Variants in CSMD1 observed in about 807,000 individuals in gnomAD.
CSMD1 encodes CUB and sushi domain-containing protein 1.
A neutral mutation model predicts 417.5 loss-of-function variants in CSMD1; 213 were observed. The observed-to-expected ratio is 0.51, with a 90% CI of 0.46 to 0.57. CSMD1 has a LOEUF of 0.57. CSMD1 is among the 20% of genes least tolerant of loss of function. The pLI is 0.00. For synonymous variants in CSMD1, 2,862 were observed against 1,736.8 expected (o/e 1.65, Z -16.11); for missense variants, 6,923 against 4,529.7 (o/e 1.53, Z -15.17).
chr8:3,329,400 G>A (rs981467772), intron 23 of CSMD1, among the ~76,000 whole-genome samples: 23 of 152,022 alleles, frequency 1.5e-4, no homozygotes, highest in African/African-American at 5.3e-4. Flanking sequence ...GGACAGAAAA[G>A]ACCCTTCAAG....
At chr8:3,344,114 G>A (rs13251425) in intron 22 of CSMD1, among the ~76,000 whole-genome samples, 17,655 of 152,196 alleles carry the variant, frequency 0.12, 1,435 homozygotes, top group African/African-American at 0.23. Flanking sequence ...CGGAAGATAA[G>A]GAAGACAAGG....
At chr8:3,992,456 T>C (rs1814829190) in intron 5 of CSMD1, among the ~76,000 whole-genome samples, 3 of 152,048 alleles carry the variant, frequency 2.0e-5, no homozygotes, top group African/African-American at 7.2e-5. Flanking sequence ...TTACAACAGG[T>C]TTGTGAAATA....
At chr8:4,481,231 G>C (rs1408854867) in intron 2 of CSMD1, among the ~76,000 whole-genome samples, 1 of 152,180 alleles carries the variant, frequency 6.6e-6, no homozygotes. Context: ...AGACCTAAGA[G>C]TCCAAATTTA....
At chr8:3,956,186 T>C (rs1045149843) in intron 5 of CSMD1, among the ~76,000 whole-genome samples, 1 of 152,218 alleles carries the variant, frequency 6.6e-6, no homozygotes, top group South Asian at 2.1e-4. Context: ...AATTTTGGGG[T>C]ATTAACCATA....
In CSMD1 at chr8:3,575,051, G is replaced by C. The variant is rs374217218; in HGVS notation, c.1238C>G (p.Ser413Cys). The C allele has an allele frequency of 1.3e-5, 21 of 1,612,830 alleles. No individual in the cohort carries two copies. Among genetic ancestry groups the C allele is most frequent in the Non-Finnish European group, 1.7e-5 (20 of 1,179,440 alleles). ...RPICRARTCG[S>C]NLRGPSGVIT... ...GACGCCGCTGGGCCCACGCAGATTG[G>C]ATCCACATGTTCTCGCTGGAAACAC... The change falls in exon 10 of 70, where the codon TCC (serine) becomes TGC (cysteine). Residue 413 changes from serine (S) to cysteine (C), a missense_variant. Coordinates refer to ENST00000635120, the MANE Select transcript of CSMD1 (RefSeq NM_033225.6).
rs1363560377 is a variant in CSMD1, at chr8:4,864,573, C to G, written c.85+129759G>C. ...ATCATAATTATGTTTTGCCAGAGTT[C>G]ATAATGATCTTTATTTTATATCATT... On this transcript the variant is annotated intron_variant, in intron 1 of 69. Transcript: ENST00000635120. Among the ~76,000 whole-genome samples the G allele has an allele frequency of 2.0e-5, 3 of 151,478 alleles. No individual in the cohort carries two copies. In the East Asian group the frequency reaches 5.8e-4, roughly 29 times the overall value.
At chr8:3,975,977 A>C (rs956018079) in intron 5 of CSMD1, among the ~76,000 whole-genome samples, 6 of 152,120 alleles carry the variant, frequency 3.9e-5, no homozygotes, top group African/African-American at 1.4e-4. Flanking sequence ...TCAGTTTTTA[A>C]TCTATCAGTT....
intron 10 of CSMD1, among the ~76,000 whole-genome samples, chr8:3,549,858 T>G (rs942117383): frequency 9.2e-5 from 14 of 152,156 alleles, no homozygotes; most frequent in African/African-American, 3.4e-4. Context: ...CAACAGACAG[T>G]GGAGTAACAT....
rs6982552 is a variant in CSMD1, at chr8:3,081,913, G to A, written c.7474+5184C>T. The stretch of plus-strand genomic sequence containing the variant: ...GTCACTACTGGGGACAGCTTGCCCC[G>A]TGGACCTGAAGCACAAATGTCAAAA... On this transcript the variant is annotated intron_variant, in intron 49 of 69. Coordinates refer to ENST00000635120, the MANE Select transcript of CSMD1 (RefSeq NM_033225.6). Among the ~76,000 whole-genome samples the A allele has an allele frequency of 2.6e-3, 391 of 152,198 alleles. 2 individuals carry two copies. The highest frequency in any genetic ancestry group is 9.1e-3 in the African/African-American group (379 of 41,510).
chr8:4,412,739 G>C (rs904407477), intron 3 of CSMD1, among the ~76,000 whole-genome samples: 2 of 152,088 alleles, frequency 1.3e-5, no homozygotes, highest in Admixed American at 6.6e-5. Flanking sequence ...ATAAATTACA[G>C]CTTATAGGAA....
intron 1 of CSMD1, among the ~76,000 whole-genome samples, chr8:4,847,791 T>C (rs1055098788): frequency 2.6e-4 from 39 of 152,118 alleles, no homozygotes; most frequent in African/African-American, 9.2e-4. Context: ...TTTTTTTTTT[T>C]TTTGACGGCT....
chr8:4,191,379 G>C (rs1799022696), intron 3 of CSMD1, among the ~76,000 whole-genome samples: 1 of 152,046 alleles, frequency 6.6e-6, no homozygotes, highest in Non-Finnish European at 1.5e-5. Context: ...CTGGGCAACA[G>C]AGCAAGACTC....
chr8:3,620,758 A>G (rs748689005), intron 7 of CSMD1, among the ~76,000 whole-genome samples: 6 of 152,240 alleles, frequency 3.9e-5, no homozygotes, highest in Non-Finnish European at 7.3e-5. Flanking sequence ...AGGGACAAAA[A>G]TGCTGAAAGA....
chr8:4,320,945 G>T (rs1799241223), intron 3 of CSMD1, among the ~76,000 whole-genome samples: 1 of 151,990 alleles, frequency 6.6e-6, no homozygotes, highest in African/African-American at 2.4e-5. Flanking sequence ...CCAGTGTGAG[G>T]TCCTAGCCAC....
chr8:4,086,772 C>T (rs1397730284), intron 3 of CSMD1, among the ~76,000 whole-genome samples: 1 of 152,156 alleles, frequency 6.6e-6, no homozygotes, highest in South Asian at 2.1e-4. Context: ...ACATCTTTTT[C>T]AACTGAGTGA....
chr8:4,534,037 A>G (rs1450257281), intron 2 of CSMD1, among the ~76,000 whole-genome samples: 1 of 151,820 alleles, frequency 6.6e-6, no homozygotes, highest in Non-Finnish European at 1.5e-5. Flanking sequence ...CAGTCTTCCA[A>G]TTTATAGATA....
intron 9 of CSMD1, among the ~76,000 whole-genome samples, chr8:3,581,859 T>C (rs555879950): frequency 6.6e-6 from 1 of 152,254 alleles, no homozygotes; most frequent in Non-Finnish European, 1.5e-5. Flanking sequence ...GGCTGGAGTA[T>C]AGTGGCACGA....
chr8:3,174,128 T>C (rs1369501462), intron 37 of CSMD1, among the ~76,000 whole-genome samples: 2 of 152,218 alleles, frequency 1.3e-5, no homozygotes, highest in Admixed American at 6.5e-5. Context: ...TATTGACCAG[T>C]GTAATCATCA....
intron 5 of CSMD1, among the ~76,000 whole-genome samples, chr8:3,923,895 A>T (rs1054750917): frequency 2.0e-5 from 3 of 152,136 alleles, no homozygotes; most frequent in African/African-American, 7.2e-5. Context: ...GCTATTTTTA[A>T]AATATATTGT....
Sources: allele counts gnomAD v4.1 joint callset (sites outside exome capture counted in the v4.1 genomes callset), GRCh38; gene constraint gnomAD v4.1.1; transcripts MANE v1.5; gene names NCBI Gene and HGNC (gene_info 2026-07-23, HGNC 2026-07-21).